MEGF11: variants seen among roughly 807,000 people sequenced by gnomAD.
The protein encoded by MEGF11 is multiple epidermal growth factor-like domains protein 11.
MEGF11 carries 126 observed loss-of-function variants against 146.6 expected under a neutral mutation model. That is an observed-to-expected ratio of 0.86 (90% CI 0.74 to 1.00). The LOEUF (loss-of-function observed/expected upper bound fraction) is 1.00. Ranked by LOEUF, MEGF11 falls within the 50% of genes least tolerant of loss-of-function variation. MEGF11 has a pLI of 0.00. For missense variants in MEGF11, 1,509 were observed against 1,521.2 expected, an observed-to-expected ratio of 0.99 and a Z score of 0.13; for synonymous variants, 532 against 583.4, an observed-to-expected ratio of 0.91 and a Z score of 1.27.
chr15:66,150,823 C>T (rs536914293), intron 1 of MEGF11, among the ~76,000 whole-genome samples: 5 of 104,290 alleles, frequency 4.8e-5, no homozygotes, highest in African/African-American at 1.6e-4. Context: ...AATGCCCTGT[C>T]GAGAGAGAGA....
chr15:66,222,872 C>T (rs148684999), intron 1 of MEGF11, among the ~76,000 whole-genome samples: 6 of 152,208 alleles, frequency 3.9e-5, no homozygotes, highest in African/African-American at 1.4e-4. Context: ...AAATGAAAAC[C>T]CTCATACACT....
intron 1 of MEGF11, among the ~76,000 whole-genome samples, chr15:66,155,263 C>A (rs2089715907): frequency 2.0e-5 from 3 of 152,154 alleles, no homozygotes; most frequent in South Asian, 4.1e-4. Context: ...TGCCCCCCAC[C>A]CCCCGCTATG....
intron 24 of MEGF11, among the ~76,000 whole-genome samples, chr15:65,900,346 A>G (rs1164985622): frequency 2.0e-5 from 3 of 152,222 alleles, no homozygotes; most frequent in African/African-American, 7.2e-5. Flanking sequence ...ATGTAACTCA[A>G]TGGATGTCTT....
chr15:65,950,253 T>C lies in MEGF11; in HGVS notation c.1287+7294A>G, dbSNP rs148442155. ...TTGCTAATTAATTTAGTCAGCCCAA[T>C]AATCCTACAAGGCTATGTTATTATT... is the stretch of plus-strand genomic sequence containing the variant. On this transcript the variant is annotated intron_variant, in intron 10 of 25. Transcript: ENST00000395614. Among the ~76,000 whole-genome samples the C allele has an allele frequency of 7.3e-3, 1,105 of 152,352 alleles. 10 individuals carry two copies. Among genetic ancestry groups the C allele is most frequent in the African/African-American group, 0.025 (1,025 of 41,590 alleles).
chr15:66,017,998 G>A (rs1033094530), intron 5 of MEGF11, among the ~76,000 whole-genome samples: 8 of 152,326 alleles, frequency 5.3e-5, no homozygotes, highest in African/African-American at 1.9e-4. Context: ...GGAAGGAGCC[G>A]GGTGGGCTTG....
intron 5 of MEGF11, among the ~76,000 whole-genome samples, chr15:66,017,128 T>G (rs2082915599): frequency 6.6e-6 from 1 of 152,008 alleles, no homozygotes; most frequent in Admixed American, 6.6e-5. Flanking sequence ...TCATAAGCAG[T>G]AGGGGACGGA....
intron 1 of MEGF11, among the ~76,000 whole-genome samples, chr15:66,142,177 T>C (rs1323802732): frequency 6.6e-6 from 1 of 152,092 alleles, no homozygotes; most frequent in African/African-American, 2.4e-5. Context: ...CTGGGCTCCA[T>C]CCAGAAAATA....
At chr15:66,130,302 A>C (rs980489157) in intron 1 of MEGF11, among the ~76,000 whole-genome samples, 3 of 152,188 alleles carry the variant, frequency 2.0e-5, no homozygotes, top group African/African-American at 4.8e-5. Flanking sequence ...ACAATGGGAC[A>C]CAGAGTTCCA....
At chr15:65,994,597 A>C (rs930353685) in intron 5 of MEGF11, among the ~76,000 whole-genome samples, 1 of 152,146 alleles carries the variant, frequency 6.6e-6, no homozygotes, top group South Asian at 2.1e-4. Flanking sequence ...GGAGAGGTGA[A>C]GCAAGTTAGG....
At chr15:66,045,010 C>G (rs549420005) in intron 5 of MEGF11, among the ~76,000 whole-genome samples, 7 of 152,106 alleles carry the variant, frequency 4.6e-5, no homozygotes, top group Admixed American at 1.3e-4. Flanking sequence ...TTATGAAGCT[C>G]AAACAGTGCA....
In MEGF11 at chr15:65,922,891, C is replaced by A. The variant is rs1161054584; in HGVS notation, c.1754G>T (p.Gly585Val). 6.2e-7 allele frequency: 1 copy of A among 1,613,198 alleles called. No individual in the cohort carries two copies. Residue 585 changes from glycine (G) to valine (V), a missense_variant, in exon 14 of 26, where the codon GGC becomes GTC. Coordinates refer to ENST00000395614, the MANE Select transcript of MEGF11 (RefSeq NM_001385028.1). ...GCTCCCATCCTCTGGGGAGCAGGAG[C>A]CTCCATTCTCACAGCTGCAGGAGAC... ...CSVSCSCENG[G>V]SCSPEDGSCE...
intron 4 of MEGF11, among the ~76,000 whole-genome samples, chr15:66,113,740 G>A (rs896102030): frequency 2.0e-5 from 3 of 152,170 alleles, no homozygotes; most frequent in Non-Finnish European, 4.4e-5. Context: ...AATTAGCCAG[G>A]TGCGGTGTCG....
At chr15:66,103,675 G>T (rs1454008648) in intron 4 of MEGF11, among the ~76,000 whole-genome samples, 1 of 152,162 alleles carries the variant, frequency 6.6e-6, no homozygotes, top group African/African-American at 2.4e-5. Flanking sequence ...TCAGGGGCTG[G>T]TGAGGACAAA....
intron 4 of MEGF11, among the ~76,000 whole-genome samples, chr15:66,112,514 T>C (rs924999428): frequency 6.6e-6 from 1 of 152,066 alleles, no homozygotes; most frequent in Non-Finnish European, 1.5e-5. Flanking sequence ...ATCCAACATA[T>C]TGGAGCTCCA....
intron 5 of MEGF11, among the ~76,000 whole-genome samples, chr15:66,052,347 T>G (rs1387344453): frequency 6.6e-6 from 1 of 152,144 alleles, no homozygotes; most frequent in Admixed American, 6.5e-5. Flanking sequence ...CCCCTGTTAC[T>G]CTGGTATGGG....
At chr15:66,124,844 C>CCT (rs2088255845) in intron 2 of MEGF11, among the ~76,000 whole-genome samples, 1 of 152,220 alleles carries the variant, frequency 6.6e-6, no homozygotes, top group South Asian at 2.1e-4. Flanking sequence ...GTCATTCAAG[C>CCT]CAGGATGCTG....
intron 1 of MEGF11, among the ~76,000 whole-genome samples, chr15:66,196,833 C>A (rs2091020634): frequency 6.6e-6 from 1 of 152,152 alleles, no homozygotes; most frequent in Non-Finnish European, 1.5e-5. Context: ...CTGGTCAAAT[C>A]CCCTAGTAAA....
At chr15:65,898,461 G>A (rs920477955) in intron 25 of MEGF11, 144 of 983,314 alleles carry the variant, frequency 1.5e-4, no homozygotes, top group Non-Finnish European at 1.6e-4. Context: ...GTGTGCGCGC[G>A]TGCACGTGCA....
chr15:66,038,602 G>A (rs753219499), intron 5 of MEGF11, among the ~76,000 whole-genome samples: 1 of 152,094 alleles, frequency 6.6e-6, no homozygotes, highest in Non-Finnish European at 1.5e-5. Flanking sequence ...GAACAGTAAT[G>A]TCCCCATTTT....
Sources: allele counts gnomAD v4.1 joint callset (sites outside exome capture counted in the v4.1 genomes callset), GRCh38; gene constraint gnomAD v4.1.1; transcripts MANE v1.5; gene names NCBI Gene and HGNC (gene_info 2026-07-23, HGNC 2026-07-21).